Variants in VIPR2 observed in about 807,000 individuals in gnomAD.
VIPR2 encodes the protein vasoactive intestinal peptide receptor 2.
In VIPR2, 48 loss-of-function variants were observed where a neutral mutation model predicts 58.0. That is an observed-to-expected ratio of 0.83 (90% confidence interval 0.66 to 1.05). The LOEUF (loss-of-function observed/expected upper bound fraction) is 1.05. Among genes scored for constraint, VIPR2 ranks in the 50% least tolerant of loss-of-function variants. VIPR2 has a pLI of 0.00. For missense variants in VIPR2, 534 were observed against 558.0 expected, an observed-to-expected ratio of 0.96 and a Z score of 0.43; for synonymous variants, 243 against 235.2, an observed-to-expected ratio of 1.03 and a Z score of -0.30.
intron 2 of VIPR2, among the ~76,000 whole-genome samples, chr7:159,125,910 C>G (rs1796633929): frequency 6.6e-6 from 1 of 152,156 alleles, no homozygotes; most frequent in South Asian, 2.1e-4. Flanking sequence ...CCCTGCCTAC[C>G]CCTTCAGGGA....
chr7:159,144,485 G>A, intron 1 of VIPR2: 1 of 1,539,934 alleles, frequency 6.5e-7, no homozygotes, highest in Non-Finnish European at 8.8e-7. Context: ...TGGGGCGCGG[G>A]GAAGGGCGCA....
At chr7:159,112,821 A>C (rs370725453) in intron 2 of VIPR2, among the ~76,000 whole-genome samples, 1,033 of 118,980 alleles carry the variant, frequency 8.7e-3, no homozygotes, top group East Asian at 0.044. Context: ...TGTGAAGAGG[A>C]GGCTCACGGC....
chr7:159,084,207 G>T (rs576854821), intron 4 of VIPR2, among the ~76,000 whole-genome samples: 76 of 152,270 alleles, frequency 5.0e-4, no homozygotes, highest in Non-Finnish European at 9.7e-4. Flanking sequence ...GGCCAGAGGG[G>T]CAAAGGCCAT....
At chr7:159,061,348 G>GAAA (rs57425728) in intron 4 of VIPR2, among the ~76,000 whole-genome samples, 12,624 of 136,728 alleles carry the variant, frequency 0.092, 680 homozygotes, top group Middle Eastern at 0.13. Context: ...AATAAAAGTT[G>GAAA]AAAAAAAAAA....
chr7:159,061,948 G>A (rs1855694576), intron 4 of VIPR2, among the ~76,000 whole-genome samples: 1 of 152,194 alleles, frequency 6.6e-6, no homozygotes, highest in African/African-American at 2.4e-5. Flanking sequence ...GGCCGCGTCT[G>A]GAGTCCATGG....
At position 159,099,059 on chromosome 7, in the gene VIPR2, C is replaced by T. The variant is rs1483058390; in HGVS notation, c.357+4698G>A. On this transcript the variant is annotated intron_variant, in intron 4 of 12. Coordinates refer to ENST00000262178, the MANE Select transcript of VIPR2 (RefSeq NM_003382.5). This position sits in a 1 kb window ranked among gnomAD's most constrained non-coding sequence, Gnocchi z 4.2. ...CCGCCTGTGCTATGTGCTGTTGCTT[C>T]GTCTTGGAAGCGAGTCCCTAAACCA... Among the ~76,000 whole-genome samples the T allele has an allele frequency of 2.6e-5, 4 of 152,208 alleles. No homozygotes were observed. The highest frequency in any genetic ancestry group is 2.1e-4 in the South Asian group (1 of 4,832).
intron 4 of VIPR2, among the ~76,000 whole-genome samples, chr7:159,081,090 C>T (rs559152914): frequency 2.0e-5 from 3 of 152,204 alleles, no homozygotes; most frequent in Non-Finnish European, 4.4e-5. Context: ...CTACCAATGA[C>T]TTTCTTCACA....
intron 4 of VIPR2, among the ~76,000 whole-genome samples, chr7:159,103,410 A>T (rs547670438): frequency 1.3e-5 from 2 of 152,180 alleles, no homozygotes; most frequent in South Asian, 4.1e-4. Context: ...GGGACAAGAA[A>T]TCCAAATGCA....
At chr7:159,087,893 G>A (rs1472164402) in intron 4 of VIPR2, among the ~76,000 whole-genome samples, 10 of 152,008 alleles carry the variant, frequency 6.6e-5, no homozygotes, top group African/African-American at 9.7e-5. Context: ...AGTGAGATAC[G>A]GCTTCCCCAG....
Position 159,095,697 on chromosome 7 carries a change from C to T in VIPR2, c.357+8060G>A, listed in dbSNP as rs1403510834. ...CTGTTCTGCCCCCTTGGCCGTTATC[C>T]AGCCCACGGTGGTCTCCACGAGCCC... On this transcript the variant is annotated intron_variant, in intron 4 of 12. Transcript: ENST00000262178. The surrounding 1 kb of genome is among the most constrained non-coding windows in gnomAD (Gnocchi z 5.2). 2.0e-5 allele frequency among the ~76,000 whole-genome samples: 3 copies of T among 152,198 alleles called. No individual in the cohort carries two copies. Among genetic ancestry groups the T allele is most frequent in the Non-Finnish European group, 2.9e-5 (2 of 68,036 alleles).
chr7:159,084,592 C>T (rs1857076594), intron 4 of VIPR2, among the ~76,000 whole-genome samples: 1 of 152,054 alleles, frequency 6.6e-6, no homozygotes, highest in Non-Finnish European at 1.5e-5. Context: ...CAGGCAAGGT[C>T]AGTCCCTGGT....
At chr7:159,106,428 G>A (rs1858652835) in intron 3 of VIPR2, among the ~76,000 whole-genome samples, 1 of 150,356 alleles carries the variant, frequency 6.7e-6, no homozygotes, top group Non-Finnish European at 1.5e-5. Flanking sequence ...GCAGAGAGAG[G>A]CCAGGGAGGG....
At chr7:159,048,112 C>T (rs1274793439) in intron 5 of VIPR2, among the ~76,000 whole-genome samples, 1 of 152,042 alleles carries the variant, frequency 6.6e-6, no homozygotes, top group African/African-American at 2.4e-5. Flanking sequence ...ATCAAGAGAA[C>T]CATTTAAACT....
At chr7:159,136,636 C>T (rs1418018911) in intron 2 of VIPR2, among the ~76,000 whole-genome samples, 2 of 152,128 alleles carry the variant, frequency 1.3e-5, no homozygotes, top group Non-Finnish European at 2.9e-5. Flanking sequence ...TTCGTTTCCA[C>T]TGACCCAGGT....
At chr7:159,073,689 G>A (rs1209265578) in intron 4 of VIPR2, among the ~76,000 whole-genome samples, 3 of 152,126 alleles carry the variant, frequency 2.0e-5, no homozygotes, top group Non-Finnish European at 4.4e-5. Context: ...GATTACAGGC[G>A]TGAGCCACCG....
intron 5 of VIPR2, among the ~76,000 whole-genome samples, chr7:159,049,727 C>T (rs1395940662): frequency 6.6e-6 from 1 of 152,198 alleles, no homozygotes; most frequent in Non-Finnish European, 1.5e-5. Context: ...CCTGCAGCTT[C>T]ATGGGTGCCG....
intron 2 of VIPR2, among the ~76,000 whole-genome samples, chr7:159,122,208 G>A (rs1177238936): frequency 4.6e-5 from 7 of 152,210 alleles, no homozygotes; most frequent in South Asian, 2.1e-4. Context: ...TGCACCAGCA[G>A]GCTCACAGTG....
Position 159,098,367 on chromosome 7 carries a change from T to C in VIPR2, c.357+5390A>G, listed in dbSNP as rs189585033. The stretch of plus-strand genomic sequence containing the variant: ...CTGTGGAGGGCAAGGACTGGGGCCA[T>C]TGCTCCTTGATACACTGTGGATGAA... On this transcript the variant is annotated intron_variant, in intron 4 of 12. Transcript: ENST00000262178. The surrounding 1 kb of genome is among the most constrained non-coding windows in gnomAD (Gnocchi z 5.2). Among the ~76,000 whole-genome samples the C allele has an allele frequency of 4.0e-3, 609 of 152,186 alleles. 4 individuals carry two copies. Among genetic ancestry groups the C allele is most frequent in the African/African-American group, 0.014 (580 of 41,518 alleles).
chr7:159,042,649 T>C (rs112695729), intron 6 of VIPR2, among the ~76,000 whole-genome samples: 1 of 152,250 alleles, frequency 6.6e-6, no homozygotes, highest in African/African-American at 2.4e-5. Flanking sequence ...AAGCCTTTAC[T>C]GCTCAGAATC....
Sources: gnomAD v4.1 joint callset for allele counts (sites outside exome capture counted in the v4.1 genomes callset) on GRCh38, gnomAD v4.1.1 for gene constraint, Gnocchi (gnomAD v3.1) non-coding constraint, MANE v1.5 for transcripts, NCBI Gene and HGNC (gene_info 2026-07-23, HGNC 2026-07-21) for gene names.